The following ERG variants were observed in gnomAD, a reference collection of about 807,000 sequenced individuals.
ERG encodes transcriptional regulator ERG.
In ERG, 9 loss-of-function variants were observed where a neutral mutation model predicts 55.3. The observed-to-expected ratio is 0.16, with a 90% CI of 0.10 to 0.28. The LOEUF (loss-of-function observed/expected upper bound fraction) is 0.28, where lower values mean the gene tolerates loss of function less well. Ranked by LOEUF, ERG falls within the 10% of genes least tolerant of loss-of-function variation. ERG has a pLI of 1.00. For synonymous variants in ERG, 223 were observed against 237.3 expected (o/e 0.94, Z 0.55); for missense variants, 434 against 631.6 (o/e 0.69, Z 3.35).
At chr21:38,375,241 AG>A (rs1987210816), downstream of ERG, among the ~76,000 whole-genome samples, 1 of 152,198 alleles carries the variant, frequency 6.6e-6, no homozygotes, top group Non-Finnish European at 1.5e-5. Flanking sequence ...ACCCACCATG[AG>A]GAGCCACTGT....
intron 1 of ERG, among the ~76,000 whole-genome samples, chr21:38,654,447 G>T (rs940153280): frequency 6.6e-6 from 1 of 152,188 alleles, no homozygotes; most frequent in African/African-American, 2.4e-5. Context: ...ACTCCAGCCT[G>T]GGCAACAGAG....
intron 1 of ERG, among the ~76,000 whole-genome samples, chr21:38,625,915 C>CTTTTT (rs397797559): frequency 2.0e-4 from 17 of 84,456 alleles, no homozygotes; most frequent in South Asian, 4.6e-4. Context: ...ACTTGAAGCT[C>CTTTTT]TTTTTTTTTT....
chr21:38,385,884 TTAACAGTC>T (rs756442671), intron 9 of ERG, among the ~76,000 whole-genome samples: 1 of 152,226 alleles, frequency 6.6e-6, no homozygotes, highest in Non-Finnish European at 1.5e-5. Flanking sequence ...GATTTTTGAT[TTAACAGTC>T]TAACAGATGC....
rs575859805 is a variant in ERG at position 38,582,872 on chromosome 21, G to A, written c.-127+1972C>T. ...ACTGATTCTCCTGCCTCAGCCTCCC[G>A]AGCAGCTGGGATTACAGGCACGTGC... On this transcript the variant is annotated intron_variant, in intron 1 of 8. Coordinates refer to the ERG transcript ENST00000398897. 6.6e-5 allele frequency among the ~76,000 whole-genome samples: 10 copies of A among 152,090 alleles called. No homozygotes were observed. The South Asian group carries it at 1.0e-3, about 16-fold the overall frequency.
intron 1 of ERG, among the ~76,000 whole-genome samples, chr21:38,462,347 C>A (rs2059051190): frequency 6.7e-6 from 1 of 148,336 alleles, no homozygotes. Context: ...TTTGTTTCTA[C>A]CAATAGATAT....
At chr21:38,633,878 G>A (rs368976214) in intron 1 of ERG, among the ~76,000 whole-genome samples, 4 of 148,130 alleles carry the variant, frequency 2.7e-5, no homozygotes, top group Admixed American at 6.7e-5. Flanking sequence ...CAGTTGATAT[G>A]AAAAAAAAAA....
downstream of ERG, among the ~76,000 whole-genome samples, chr21:38,375,829 G>A (rs1987226611): frequency 6.6e-6 from 1 of 152,122 alleles, no homozygotes; most frequent in Admixed American, 6.5e-5. Context: ...TGGGCCCCGG[G>A]TAGTCATAGT....
intron 1 of ERG, among the ~76,000 whole-genome samples, chr21:38,646,789 G>A (rs1456925499): frequency 2.0e-5 from 3 of 150,142 alleles, no homozygotes; most frequent in Non-Finnish European, 4.4e-5. Context: ...CAGCATCTTT[G>A]TTGTTGTTGT....
intron 1 of ERG, among the ~76,000 whole-genome samples, chr21:38,627,658 A>C (rs1452435614): frequency 6.6e-6 from 1 of 152,238 alleles, no homozygotes; most frequent in African/African-American, 2.4e-5. Flanking sequence ...TTATGGGGAA[A>C]GATTCTGACA....
At chr21:38,508,663 A>AT (rs1701715166) in intron 2 of ERG, among the ~76,000 whole-genome samples, 1 of 152,234 alleles carries the variant, frequency 6.6e-6, no homozygotes, top group African/African-American at 2.4e-5. Context: ...TGGTATATTG[A>AT]TTGCATTTCT....
chr21:38,455,172 A>G (rs976990003), intron 1 of ERG, among the ~76,000 whole-genome samples: 1 of 150,680 alleles, frequency 6.6e-6, no homozygotes, highest in Non-Finnish European at 1.5e-5. Context: ...ATAGCCCTCA[A>G]ACTTCTGAAG....
intron 3 of ERG, among the ~76,000 whole-genome samples, chr21:38,415,647 C>T (rs939092849): frequency 6.6e-6 from 1 of 152,092 alleles, no homozygotes; most frequent in Non-Finnish European, 1.5e-5. Context: ...ATTTCACCAG[C>T]AGGTTCTGGG....
intron 3 of ERG, among the ~76,000 whole-genome samples, chr21:38,408,187 GCACTCGCAC>G: frequency 6.6e-6 from 1 of 152,232 alleles, no homozygotes; most frequent in Non-Finnish European, 1.5e-5. Flanking sequence ...TTTCTCCTGA[GCACTCGCAC>G]CACTCTCCCA....
intron 1 of ERG, among the ~76,000 whole-genome samples, chr21:38,645,376 T>C (rs551334782): frequency 1.8e-4 from 28 of 152,238 alleles, no homozygotes; most frequent in African/African-American, 5.1e-4. Context: ...TAGGCATACA[T>C]TGCAATGTAT....
At chr21:38,421,272 C>A (rs1989531084) in intron 3 of ERG, among the ~76,000 whole-genome samples, 1 of 152,260 alleles carries the variant, frequency 6.6e-6, no homozygotes, top group Middle Eastern at 3.4e-3. Flanking sequence ...ACGGTTTTCT[C>A]CCTTTCGTAA....
intron 2 of ERG, among the ~76,000 whole-genome samples, chr21:38,562,582 C>A (rs1224274429): frequency 6.6e-6 from 1 of 152,194 alleles, no homozygotes; most frequent in Admixed American, 6.5e-5. Flanking sequence ...CTCCTGCATG[C>A]AAAAGTACAG....
intron 1 of ERG, among the ~76,000 whole-genome samples, chr21:38,463,196 T>C (rs1339913575): frequency 2.0e-5 from 3 of 152,232 alleles, no homozygotes; most frequent in Non-Finnish European, 2.9e-5. Flanking sequence ...GTCCTCCCTG[T>C]TTACCTGCTT....
intron 2 of ERG, among the ~76,000 whole-genome samples, chr21:38,512,532 A>T (rs1160637672): frequency 6.6e-6 from 1 of 152,242 alleles, no homozygotes; most frequent in East Asian, 1.9e-4. Context: ...ATATTGAATA[A>T]TTATACTACA....
intron 1 of ERG, among the ~76,000 whole-genome samples, chr21:38,463,092 G>C (rs2059058137): frequency 6.6e-6 from 1 of 152,128 alleles, no homozygotes; most frequent in African/African-American, 2.4e-5. Flanking sequence ...ATTGGCAAGT[G>C]GCACTCCCCA....
Sources: allele counts gnomAD v4.1 joint callset (sites outside exome capture counted in the v4.1 genomes callset), GRCh38; gene constraint gnomAD v4.1.1; transcripts MANE v1.5; gene names NCBI Gene and HGNC (gene_info 2026-07-23, HGNC 2026-07-21).